JAM3: variants seen among roughly 807,000 people sequenced by gnomAD.
JAM3 encodes the protein junctional adhesion molecule C.
Under a neutral mutation model 39.4 loss-of-function variants are expected in JAM3, and 31 were observed. The observed-to-expected ratio is 0.79, with a 90% confidence interval of 0.59 to 1.06. The LOEUF (loss-of-function observed/expected upper bound fraction) is 1.06. Among genes scored for constraint, JAM3 ranks in the 50% least tolerant of loss-of-function variants. JAM3 has a pLI of 0.00. For missense variants in JAM3, 455 were observed against 391.4 expected (o/e 1.16, Z -1.37); for synonymous variants, 182 against 148.7 (o/e 1.22, Z -1.63).
intron 1 of JAM3, among the ~76,000 whole-genome samples, chr11:134,084,574 T>C (rs1941717722): frequency 6.6e-6 from 1 of 152,148 alleles, no homozygotes; most frequent in Non-Finnish European, 1.5e-5. Context: ...GCTCTCAGTG[T>C]TAGGTTTTGT....
At chr11:134,073,927 A>G (rs568366515) in intron 1 of JAM3, among the ~76,000 whole-genome samples, 35 of 152,292 alleles carry the variant, frequency 2.3e-4, no homozygotes, top group Non-Finnish European at 4.0e-4. Context: ...GAACTTCTGG[A>G]AAAGTGTCAG....
At chr11:134,112,934 G>A (rs1449167256) in intron 1 of JAM3, among the ~76,000 whole-genome samples, 1 of 152,154 alleles carries the variant, frequency 6.6e-6, no homozygotes, top group African/African-American at 2.4e-5. Context: ...TATATATGCT[G>A]TCTTCTGTGT....
intron 7 of JAM3, 36 bp downstream of exon 7, chr11:134,148,712 G>C (rs779145565): frequency 1.2e-6 from 2 of 1,614,184 alleles, no homozygotes; most frequent in East Asian, 4.5e-5. Context: ...GGAAGTTCAA[G>C]CTGGCAATAA....
At chr11:134,076,927 T>C (rs1263813436) in intron 1 of JAM3, among the ~76,000 whole-genome samples, 1 of 151,224 alleles carries the variant, frequency 6.6e-6, no homozygotes, top group Non-Finnish European at 1.5e-5. Context: ...CTCTGCCTCT[T>C]GGGTTCAAGC....
At chr11:134,114,428 T>C (rs1210721158) in intron 1 of JAM3, among the ~76,000 whole-genome samples, 1 of 152,208 alleles carries the variant, frequency 6.6e-6, no homozygotes, top group Non-Finnish European at 1.5e-5. Flanking sequence ...CAGCACCATT[T>C]ATTAAATAGG....
rs557803476 is a variant in JAM3, at chr11:134,124,748, G to A, written c.77-15103G>A. ...AAAAAAGCCAGCTATTTCTGAGGCC[G>A]GTCGGTGTGTCCAGGAGTGTTCAAG... On this transcript the variant is annotated intron_variant, in intron 1 of 8. Transcript: ENST00000299106. 6.2e-4 allele frequency among the ~76,000 whole-genome samples: 94 copies of A among 152,280 alleles called. 1 individual carries two copies. In the South Asian group the frequency reaches 0.019, roughly 31 times the overall value.
chr11:134,140,005 TAA>T (rs1942945931), intron 2 of JAM3, 89 bp downstream of exon 2: 1 of 1,045,470 alleles, frequency 9.6e-7, no homozygotes, highest in Non-Finnish European at 1.5e-6. Flanking sequence ...TCTGTCTCTG[TAA>T]GTGTGCCAGG....
At chr11:134,147,353 C>A (rs369634488) in intron 6 of JAM3, among the ~76,000 whole-genome samples, 1 of 146,284 alleles carries the variant, frequency 6.8e-6, no homozygotes, top group East Asian at 2.3e-4. Flanking sequence ...ACTTGGGAGG[C>A]TGAGGCAGAA....
chr11:134,133,771 C>T (rs1009156396), intron 1 of JAM3, among the ~76,000 whole-genome samples: 1 of 152,116 alleles, frequency 6.6e-6, no homozygotes, highest in Non-Finnish European at 1.5e-5. Flanking sequence ...AATCCTTCCC[C>T]CCTACACACA....
chr11:134,113,588 A>G (rs1385821196), intron 1 of JAM3, among the ~76,000 whole-genome samples: 1 of 152,134 alleles, frequency 6.6e-6, no homozygotes, highest in Non-Finnish European at 1.5e-5. Context: ...AATCCAGTCT[A>G]TCATTAATGG....
At chr11:134,100,869 C>T (rs1357329858) in intron 1 of JAM3, among the ~76,000 whole-genome samples, 2 of 152,188 alleles carry the variant, frequency 1.3e-5, no homozygotes, top group South Asian at 2.1e-4. Flanking sequence ...TATTATACTG[C>T]TTCCTTACTA....
chr11:134,117,999 C>T (rs1237248634), intron 1 of JAM3, among the ~76,000 whole-genome samples: 2 of 152,176 alleles, frequency 1.3e-5, no homozygotes, highest in Non-Finnish European at 2.9e-5. Flanking sequence ...ACACATTCCT[C>T]TCTTGGAATT....
At chr11:134,129,474 C>T (rs940805595) in intron 1 of JAM3, among the ~76,000 whole-genome samples, 4 of 152,002 alleles carry the variant, frequency 2.6e-5, no homozygotes, top group Non-Finnish European at 5.9e-5. Context: ...ACCCTTATGA[C>T]CTTCTTTAAC....
Position 134,123,390 on chromosome 11 carries a change from C to A in JAM3, c.77-16461C>A, listed in dbSNP as rs530748615. On this transcript the variant is annotated intron_variant, in intron 1 of 8. Transcript: ENST00000299106. The stretch of plus-strand genomic sequence containing the variant: ...AAATACACCACCACCCCCCCCCCCC[C>A]AAAAAAGGGAAAAAGATCCCACCAC... Among the ~76,000 whole-genome samples, 336 of 151,934 alleles carry A rather than the reference C, an allele frequency of 2.2e-3. 1 individual carries two copies. Among genetic ancestry groups the A allele is most frequent in the African/African-American group, 3.3e-3 (136 of 41,464 alleles).
In JAM3 at chr11:134,145,946, G is replaced by T; in HGVS notation, c.613G>T (p.Val205Leu). 1 of 1,604,952 alleles carries T rather than the reference G, an allele frequency of 6.2e-7. No homozygotes were observed. The highest frequency in any genetic ancestry group is 1.1e-5 in the South Asian group (1 of 90,878). The change falls in exon 6 of 9, where the codon GTG becomes TTG. Residue 205 changes from valine to leucine, a missense_variant and splice_region_variant. Physicochemically the swap from Val to Leu is conservative, Grantham distance 32 (BLOSUM62 1). Coordinates refer to ENST00000299106, the MANE Select transcript of JAM3 (RefSeq NM_032801.5). ...FHLNSETGTLVFTAVHKDDSG... is the reference protein window; with the variant it reads ...FHLNSETGTLLFTAVHKDDSG... ...ATTTACTTGTCATTCCCTGAAACAGGTGTTCACTGCTGTTCACAAGGACGA... is the reference window on the plus strand; with the variant it reads ...ATTTACTTGTCATTCCCTGAAACAGTTGTTCACTGCTGTTCACAAGGACGA...
At chr11:134,086,899 G>A (rs1476545769) in intron 1 of JAM3, among the ~76,000 whole-genome samples, 1 of 151,986 alleles carries the variant, frequency 6.6e-6, no homozygotes, top group Non-Finnish European at 1.5e-5. Context: ...GAACTCCTGG[G>A]GTTCAAGCAA....
chr11:134,092,294 T>C (rs1176346019), intron 1 of JAM3, among the ~76,000 whole-genome samples: 1 of 151,972 alleles, frequency 6.6e-6, no homozygotes, highest in African/African-American at 2.4e-5. Flanking sequence ...ATTCATCATG[T>C]TCCACCTTAA....
At chr11:134,106,867 C>T (rs1942200854) in intron 1 of JAM3, among the ~76,000 whole-genome samples, 1 of 152,194 alleles carries the variant, frequency 6.6e-6, no homozygotes, top group South Asian at 2.1e-4. Context: ...AACAGGAACA[C>T]TTTTACACTG....
chr11:134,120,604 C>T (rs1942512614), intron 1 of JAM3, among the ~76,000 whole-genome samples: 1 of 152,172 alleles, frequency 6.6e-6, no homozygotes, highest in South Asian at 2.1e-4. Flanking sequence ...CCCAGTGCCC[C>T]AGCATTCTGT....
Sources: gnomAD v4.1 joint callset for allele counts (sites outside exome capture counted in the v4.1 genomes callset) on GRCh38, gnomAD v4.1.1 for gene constraint, MANE v1.5 for transcripts, NCBI Gene and HGNC (gene_info 2026-07-23, HGNC 2026-07-21) for gene names.